ANK2: variants seen among roughly 807,000 people sequenced by gnomAD.
The protein encoded by ANK2 is ankyrin-2.
ANK2 carries 83 observed loss-of-function variants against 360.5 expected under a neutral mutation model. That is an observed-to-expected ratio of 0.23 (90% CI 0.19 to 0.28). ANK2 has a LOEUF of 0.28. Among genes scored for constraint, ANK2 ranks in the 10% least tolerant of loss-of-function variants. The pLI is 1.00. For synonymous variants in ANK2, 1,740 were observed against 1,759.5 expected (o/e 0.99, Z 0.28); for missense variants, 4,201 against 4,795.7 (o/e 0.88, Z 3.66).
intron 2 of ANK2, among the ~76,000 whole-genome samples, chr4:112,997,789 CTT>C (rs1299130736): frequency 6.6e-6 from 1 of 150,992 alleles, no homozygotes; most frequent in Non-Finnish European, 1.5e-5. Context: ...ATACAAATGA[CTT>C]AAACATATAT....
chr4:112,911,082 C>T (rs1313619369), intron 2 of ANK2, among the ~76,000 whole-genome samples: 1 of 150,316 alleles, frequency 6.7e-6, no homozygotes, highest in Non-Finnish European at 1.5e-5. Flanking sequence ...CTCAGCCTCC[C>T]GAGTAGCTGG....
At chr4:113,210,812 A>G (rs1280584519) in intron 4 of ANK2, among the ~76,000 whole-genome samples, 6 of 152,196 alleles carry the variant, frequency 3.9e-5, no homozygotes, top group African/African-American at 1.4e-4. Context: ...TGGGAAGGCT[A>G]TTATACTACC....
At chr4:112,981,182 G>A (rs1259651574) in intron 2 of ANK2, among the ~76,000 whole-genome samples, 1 of 152,200 alleles carries the variant, frequency 6.6e-6, no homozygotes, top group Non-Finnish European at 1.5e-5. Context: ...TGAAGTGCAT[G>A]CTCAAGGCTC....
chr4:113,107,016 G>A (rs1052470443), intron 1 of ANK2: 2 of 470,084 alleles, frequency 4.3e-6, no homozygotes, highest in African/African-American at 2.0e-5. Context: ...ATTGTTCTTT[G>A]TTGTGTTTTT....
At chr4:113,063,425 C>T (rs2074354478) in intron 1 of ANK2, among the ~76,000 whole-genome samples, 1 of 152,086 alleles carries the variant, frequency 6.6e-6, no homozygotes, top group Non-Finnish European at 1.5e-5. Flanking sequence ...TCAAGGTTTG[C>T]ATTTCTTTAA....
At chr4:113,214,172 A>G (rs1585037010) in intron 4 of ANK2, 1 of 694,108 alleles carries the variant, frequency 1.4e-6, no homozygotes, top group Non-Finnish European at 2.6e-6. Context: ...CACAACTCAC[A>G]CAGTAATGTA....
chr4:112,991,860 T>C (rs1476011838), intron 2 of ANK2, among the ~76,000 whole-genome samples: 3 of 151,876 alleles, frequency 2.0e-5, no homozygotes, highest in East Asian at 1.9e-4. Context: ...TTTTTTTTTT[T>C]CCACTATATA....
chr4:113,085,602 C>T (rs764095639), intron 1 of ANK2, among the ~76,000 whole-genome samples: 35 of 152,056 alleles, frequency 2.3e-4, no homozygotes, highest in South Asian at 4.2e-4. Flanking sequence ...CCACCGCGCC[C>T]GGCCTTGGAA....
chr4:113,018,751 AGATCTTCTTG>A (rs2057310277), intron 2 of ANK2, among the ~76,000 whole-genome samples: 2 of 152,248 alleles, frequency 1.3e-5, no homozygotes, highest in Non-Finnish European at 2.9e-5. Flanking sequence ...AACATCCTTC[AGATCTTCTTG>A]AAGGGCTAAT....
the ANK2 span, among the ~76,000 whole-genome samples, chr4:112,747,084 C>T: frequency 2.6e-5 from 4 of 152,046 alleles, no homozygotes; most frequent in Admixed American, 6.5e-5. Flanking sequence ...GCAACACCAA[C>T]CTTATCTCTT....
intron 45 of ANK2, among the ~76,000 whole-genome samples, chr4:113,379,500 A>C (rs1475422853): frequency 1.3e-5 from 2 of 152,202 alleles, no homozygotes; most frequent in Non-Finnish European, 2.9e-5. Context: ...CCTACACAGA[A>C]TATCACGAAA....
chr4:113,009,483 C>A (rs1318635435), intron 2 of ANK2, among the ~76,000 whole-genome samples: 1 of 152,036 alleles, frequency 6.6e-6, no homozygotes, highest in Non-Finnish European at 1.5e-5. Flanking sequence ...CCTGTAAACA[C>A]CAGGAAATTT....
At chr4:113,250,935 C>T (rs1586138132) in intron 10 of ANK2, among the ~76,000 whole-genome samples, 4 of 152,090 alleles carry the variant, frequency 2.6e-5, no homozygotes, top group Admixed American at 2.6e-4. Context: ...AAGGTGTGCC[C>T]ACATGCCATA....
At chr4:113,079,258 C>T (rs1161906553) in intron 1 of ANK2, among the ~76,000 whole-genome samples, 11 of 152,098 alleles carry the variant, frequency 7.2e-5, no homozygotes, top group South Asian at 6.2e-4. Flanking sequence ...GATTGTTTCC[C>T]GGATACAATC....
chr4:112,848,649 G>A (rs1389474427), intron 1 of ANK2, among the ~76,000 whole-genome samples: 1 of 152,026 alleles, frequency 6.6e-6, no homozygotes, highest in Admixed American at 6.5e-5. Flanking sequence ...TGTTATATAA[G>A]TTTTATTATT....
intron 1 of ANK2, among the ~76,000 whole-genome samples, chr4:113,054,087 A>G (rs948223311): frequency 6.6e-6 from 1 of 152,240 alleles, no homozygotes; most frequent in Admixed American, 6.5e-5. Context: ...GGTGACAGCC[A>G]TCTGAAACCA....
chr4:112,985,210 TA>T (rs1355098023), intron 2 of ANK2, among the ~76,000 whole-genome samples: 1 of 152,198 alleles, frequency 6.6e-6, no homozygotes, highest in Non-Finnish European at 1.5e-5. Flanking sequence ...ATTCTATACC[TA>T]ACCTAAACCA....
intron 2 of ANK2, among the ~76,000 whole-genome samples, chr4:113,014,532 C>G (rs1052790876): frequency 6.6e-6 from 1 of 152,186 alleles, no homozygotes; most frequent in Non-Finnish European, 1.5e-5. Context: ...AGAGCCAGCT[C>G]TTAAAACAAC....
chr4:113,328,957 A>T (rs183167320), intron 26 of ANK2, among the ~76,000 whole-genome samples: 1 of 152,354 alleles, frequency 6.6e-6, no homozygotes, highest in Non-Finnish European at 1.5e-5. Flanking sequence ...AATGTCGTGG[A>T]GGCAATATCT....
Sources: gnomAD v4.1 joint callset for allele counts (sites outside exome capture counted in the v4.1 genomes callset) on GRCh38, gnomAD v4.1.1 for gene constraint, MANE v1.5 for transcripts, NCBI Gene and HGNC (gene_info 2026-07-23, HGNC 2026-07-21) for gene names.